Variants in NFIB observed in about 807,000 individuals in gnomAD.
The protein encoded by NFIB is nuclear factor 1 B-type.
Under a neutral mutation model 61.5 loss-of-function variants are expected in NFIB, and 11 were observed. The ratio of observed to expected loss-of-function variants is 0.18; its 90% CI spans 0.11 to 0.30. The LOEUF (loss-of-function observed/expected upper bound fraction) is 0.30, where lower values mean the gene tolerates loss of function less well. Among genes scored for constraint, NFIB ranks in the 10% least tolerant of loss-of-function variants. The pLI is 1.00. For missense variants in NFIB, 471 were observed against 608.9 expected (o/e 0.77, Z 2.38); for synonymous variants, 260 against 216.5 (o/e 1.20, Z -1.76).
At chr9:14,272,369 C>G (rs2057689838) in intron 2 of NFIB, among the ~76,000 whole-genome samples, 1 of 151,938 alleles carries the variant, frequency 6.6e-6, no homozygotes, top group Non-Finnish European at 1.5e-5. Context: ...GCAATAGAGC[C>G]ATGACATTTT....
chr9:14,410,978 A>G, the NFIB span, among the ~76,000 whole-genome samples: 1 of 152,156 alleles, frequency 6.6e-6, no homozygotes, highest in Non-Finnish European at 1.5e-5. Flanking sequence ...AGGTCAGTAT[A>G]TTTTCCCTTG....
intron 1 of NFIB, among the ~76,000 whole-genome samples, chr9:14,397,364 C>T (rs994677717): frequency 6.6e-6 from 1 of 152,158 alleles, no homozygotes; most frequent in Non-Finnish European, 1.5e-5. Flanking sequence ...TCTTCTTGAA[C>T]AGCTTTATGC....
At chr9:14,169,490 A>C (rs1039582589) in intron 3 of NFIB, among the ~76,000 whole-genome samples, 2 of 152,156 alleles carry the variant, frequency 1.3e-5, no homozygotes, top group Non-Finnish European at 2.9e-5. Context: ...ATTGTTTCTT[A>C]AATTCTTCTA....
At chr9:14,205,787 G>A (rs1016216169) in intron 2 of NFIB, among the ~76,000 whole-genome samples, 1 of 152,126 alleles carries the variant, frequency 6.6e-6, no homozygotes, top group Non-Finnish European at 1.5e-5. Context: ...ATTCTAGCTT[G>A]AATTATATGT....
At chr9:14,231,292 G>A (rs1359519089) in intron 2 of NFIB, among the ~76,000 whole-genome samples, 1 of 151,636 alleles carries the variant, frequency 6.6e-6, no homozygotes, top group East Asian at 1.9e-4. Context: ...AAGTATGTGT[G>A]AGAGAGACAG....
At chr9:14,390,536 A>T (rs535411702) in intron 1 of NFIB, among the ~76,000 whole-genome samples, 1 of 152,376 alleles carries the variant, frequency 6.6e-6, no homozygotes, top group East Asian at 1.9e-4. Context: ...TTTGATTTTT[A>T]AAAATTTGGT....
chr9:14,349,634 C>T (rs2061081026), intron 1 of NFIB, among the ~76,000 whole-genome samples: 1 of 152,078 alleles, frequency 6.6e-6, no homozygotes, highest in African/African-American at 2.4e-5. Flanking sequence ...ACATTCCCTA[C>T]GGCCACAAAG....
At chr9:14,377,010 G>T (rs1022745699) in intron 1 of NFIB, among the ~76,000 whole-genome samples, 2 of 152,048 alleles carry the variant, frequency 1.3e-5, no homozygotes, top group African/African-American at 2.4e-5. Context: ...TGACCAAAAA[G>T]ATATACTGTA....
chr9:14,457,233 G>A, the NFIB span, among the ~76,000 whole-genome samples: 1 of 152,080 alleles, frequency 6.6e-6, no homozygotes, highest in Middle Eastern at 3.2e-3. Flanking sequence ...CAGGGAACAG[G>A]GTGGAAGTTA....
At chr9:14,405,748 T>C in the NFIB span, among the ~76,000 whole-genome samples, 1 of 152,220 alleles carries the variant, frequency 6.6e-6, no homozygotes, top group Non-Finnish European at 1.5e-5. Flanking sequence ...TCAGAATGAA[T>C]AAGACTCAGC....
At chr9:14,129,868 C>G (rs1261864021) in intron 6 of NFIB, among the ~76,000 whole-genome samples, 7 of 151,952 alleles carry the variant, frequency 4.6e-5, no homozygotes, top group African/African-American at 1.7e-4. Context: ...AATAAAGCAG[C>G]TGAAAAGAGA....
At chr9:14,515,728 G>A in the NFIB span, among the ~76,000 whole-genome samples, 30 of 152,242 alleles carry the variant, frequency 2.0e-4, no homozygotes, top group East Asian at 4.6e-3. Context: ...GGGGCCATGC[G>A]AAAATGCAGA....
intron 1 of NFIB, among the ~76,000 whole-genome samples, chr9:14,394,248 A>G (rs1464877087): frequency 3.9e-5 from 6 of 152,260 alleles, no homozygotes; most frequent in Non-Finnish European, 8.8e-5. Flanking sequence ...AACATAGGAC[A>G]GACACTCTAG....
intron 7 of NFIB, 21 bp downstream of exon 7, chr9:14,125,611 T>C: frequency 6.2e-7 from 1 of 1,613,652 alleles, no homozygotes; most frequent in Non-Finnish European, 8.5e-7. Context: ...AGGCTTCTCC[T>C]CTATGCTTGA....
At chr9:14,230,417 A>C (rs962171669) in intron 2 of NFIB, among the ~76,000 whole-genome samples, 6 of 152,234 alleles carry the variant, frequency 3.9e-5, no homozygotes, top group African/African-American at 1.4e-4. Flanking sequence ...AGAGAGCAAC[A>C]GAAATGCAAA....
rs1264159386 is a variant in NFIB, at chr9:14,116,252, G to A, written c.1340C>T (p.Thr447Ile). Reference protein sequence around the residue: ...SPHPSAVRPVTLSMTDTKPIT... With the variant: ...SPHPSAVRPVILSMTDTKPIT... ...GGGTTTAGTATCTGTCATGCTCAGG[G>A]TCACAGGTCGCACTGCACTGGGATG... The change falls in exon 9 of 11, where the codon ACC becomes ATC. Residue 447 changes from threonine to isoleucine, a missense_variant. Thr to Ile is a moderately conservative substitution (Grantham distance 89). Transcript: ENST00000380953. The A allele has an allele frequency of 7.1e-6, 11 of 1,538,466 alleles. No individual in the cohort carries two copies. The highest frequency in any genetic ancestry group is 9.6e-6 in the Non-Finnish European group (11 of 1,140,256).
intron 1 of NFIB, among the ~76,000 whole-genome samples, chr9:14,342,450 G>A (rs1390484143): frequency 2.6e-5 from 4 of 151,668 alleles, no homozygotes; most frequent in Non-Finnish European, 5.9e-5. Context: ...GAAGGAAGAC[G>A]GGAGGCAGGG....
At chr9:14,282,884 CTT>C (rs745775741) in intron 2 of NFIB, among the ~76,000 whole-genome samples, 55 of 152,322 alleles carry the variant, frequency 3.6e-4, no homozygotes, top group African/African-American at 1.3e-3. Context: ...CTGGCTCTCT[CTT>C]TGTCTGAGAA....
chr9:14,479,993 C>CAGGG, the NFIB span, among the ~76,000 whole-genome samples: 2 of 149,172 alleles, frequency 1.3e-5, no homozygotes, highest in African/African-American at 2.5e-5. Context: ...GAGAAGGAGG[C>CAGGG]AGGGAGGGAG....
Sources: gnomAD v4.1 joint callset for allele counts (sites outside exome capture counted in the v4.1 genomes callset) on GRCh38, gnomAD v4.1.1 for gene constraint, MANE v1.5 for transcripts, NCBI Gene and HGNC (gene_info 2026-07-23, HGNC 2026-07-21) for gene names.